PATJ: variants seen among roughly 807,000 people sequenced by gnomAD.
The protein encoded by PATJ is inaD-like protein.
Under a neutral mutation model 224.9 loss-of-function variants are expected in PATJ, and 190 were observed. The observed-to-expected ratio is 0.84, with a 90% CI of 0.75 to 0.95. PATJ has a LOEUF of 0.95. Ranked by LOEUF, PATJ falls within the 40% of genes least tolerant of loss-of-function variation. The pLI is 0.00. For synonymous variants in PATJ, 769 were observed against 820.3 expected (o/e 0.94, Z 1.07); for missense variants, 2,121 against 2,270.3 (o/e 0.93, Z 1.34).
chr1:61,742,840 C>T (rs1391065433), intron 1 of PATJ, among the ~76,000 whole-genome samples: 1 of 150,894 alleles, frequency 6.6e-6, no homozygotes, highest in Non-Finnish European at 1.5e-5. Flanking sequence ...GGTGACCCCA[C>T]GGTGGTCCCC....
chr1:61,905,319 A>G lies in PATJ; in HGVS notation c.3382-3053A>G, dbSNP rs183268993. Among the ~76,000 whole-genome samples, 525 of 152,326 alleles carry G rather than the reference A, an allele frequency of 3.4e-3. 3 individuals carry two copies. Among genetic ancestry groups the G allele is most frequent in the African/African-American group, 0.012 (508 of 41,578 alleles). ...TCTCTTTTATAAGGCCACTAATCCT[A>G]TTCTTGAGGGCAGAGCCCTCATGAC... On this transcript the variant is annotated intron_variant, in intron 24 of 43. Transcript: ENST00000642238.
intron 20 of PATJ, among the ~76,000 whole-genome samples, chr1:61,870,155 G>A (rs1355753490): frequency 6.6e-6 from 1 of 152,138 alleles, no homozygotes; most frequent in African/African-American, 2.4e-5. Context: ...GAGGCTGCAT[G>A]AATGAATTGA....
At chr1:61,848,921 T>G (rs1326841307) in intron 17 of PATJ, among the ~76,000 whole-genome samples, 1 of 152,242 alleles carries the variant, frequency 6.6e-6, no homozygotes, top group East Asian at 1.9e-4. Flanking sequence ...AGTTGACCAT[T>G]ATTAAGTTGG....
chr1:61,934,887 G>A (rs1287952791), intron 27 of PATJ, among the ~76,000 whole-genome samples: 3 of 152,074 alleles, frequency 2.0e-5, no homozygotes, highest in Non-Finnish European at 4.4e-5. Flanking sequence ...TCTTTCTGCC[G>A]AACCGCACCA....
At chr1:62,057,733 T>C (rs1654790679) in intron 31 of PATJ, among the ~76,000 whole-genome samples, 1 of 152,232 alleles carries the variant, frequency 6.6e-6, no homozygotes, top group East Asian at 1.9e-4. Flanking sequence ...CTTGTGTCTG[T>C]AAGTGTTCTT....
intron 28 of PATJ, among the ~76,000 whole-genome samples, chr1:62,001,187 A>G (rs1267621711): frequency 6.6e-6 from 1 of 150,730 alleles, no homozygotes; most frequent in Admixed American, 6.6e-5. Flanking sequence ...GAAGCTCTTT[A>G]GTTTAATTAG....
At chr1:61,989,388 A>AT (rs934333994) in intron 27 of PATJ, among the ~76,000 whole-genome samples, 12 of 152,300 alleles carry the variant, frequency 7.9e-5, no homozygotes, top group Admixed American at 6.5e-4. Context: ...TAAATGGTAG[A>AT]TTTGTGGAAT....
At chr1:62,134,074 A>G (rs971359695) in intron 41 of PATJ, among the ~76,000 whole-genome samples, 11 of 151,508 alleles carry the variant, frequency 7.3e-5, no homozygotes, top group Non-Finnish European at 1.3e-4. Context: ...ACAAGCTCCT[A>G]GGTATTGGTG....
At position 61,828,648 on chromosome 1, in the gene PATJ, C is replaced by T. The variant is rs1570751578; in HGVS notation, c.1980+1065C>T. 2.6e-5 allele frequency among the ~76,000 whole-genome samples: 4 copies of T among 152,204 alleles called. No homozygotes were observed. The East Asian group carries it at 7.7e-4, about 29-fold the overall frequency. ...CTCAAGCAATCCTCCCACCTCAACC[C>T]CCCAAAATGCTGGGTTTATAGGTGT... On this transcript the variant is annotated intron_variant, in intron 16 of 43. Transcript: ENST00000642238.
At chr1:61,774,311 A>C (rs1276237512) in intron 6 of PATJ, among the ~76,000 whole-genome samples, 1 of 151,924 alleles carries the variant, frequency 6.6e-6, no homozygotes, top group East Asian at 1.9e-4. Flanking sequence ...AGAAAGAAAA[A>C]CTAAGTAATG....
In PATJ at chr1:61,783,821, C is replaced by A. The variant is rs535605681; in HGVS notation, c.850-3933C>A. 1.2e-4 allele frequency among the ~76,000 whole-genome samples: 17 copies of A among 142,234 alleles called. No homozygotes were observed. In the South Asian group the frequency reaches 3.9e-3, roughly 33 times the overall value. The allele number at this position is 142,234 out of a possible 152,430, so 93.3% of individuals were successfully genotyped here. A position where few individuals can be genotyped will look rare whatever the true frequency, so the allele number is the denominator to read the frequency against. On this transcript the variant is annotated intron_variant, in intron 7 of 43. Coordinates refer to ENST00000642238, the MANE Select transcript of PATJ (RefSeq NM_001350145.3). ...GGAGTGCAGTGGTATGATTTTGGCTCACTGCATCCTCCACCTCCCAGGTTC... is the reference window on the plus strand; with the variant it reads ...GGAGTGCAGTGGTATGATTTTGGCTAACTGCATCCTCCACCTCCCAGGTTC...
chr1:61,866,734 C>T (rs1268996182), intron 20 of PATJ, among the ~76,000 whole-genome samples: 2 of 152,036 alleles, frequency 1.3e-5, no homozygotes, highest in Non-Finnish European at 2.9e-5. Context: ...TCTTGGACCT[C>T]GCACAAGAAA....
chr1:62,111,339 A>G (rs1490473322), intron 34 of PATJ, among the ~76,000 whole-genome samples: 3 of 152,292 alleles, frequency 2.0e-5, no homozygotes, highest in South Asian at 4.1e-4. Context: ...TCATTCACAG[A>G]CAATGAAAAT....
In PATJ at chr1:62,162,961, A is replaced by C; in HGVS notation, c.*1907A>C. The C allele has an allele frequency of 2.4e-6, 1 of 411,960 alleles. No homozygotes were observed. Among genetic ancestry groups the C allele is most frequent in the Non-Finnish European group, 4.8e-6 (1 of 207,814 alleles). 25.5% of individuals were successfully genotyped at this position (411,960 alleles called of 1,614,324 possible). A position where few individuals can be genotyped will look rare whatever the true frequency, so the allele number is the denominator to read the frequency against. ...GACTCTGTCTCGAAAAAGAAAAAAA[A>C]CCATGAAGGATGAGTACTAGAGTCA... On this transcript the variant is annotated 3_prime_UTR_variant, in exon 44 of 44. Coordinates refer to ENST00000642238, the MANE Select transcript of PATJ (RefSeq NM_001350145.3).
intron 14 of PATJ, 51 bp downstream of exon 14, chr1:61,808,581 G>C: frequency 8.6e-7 from 1 of 1,158,880 alleles, no homozygotes; most frequent in East Asian, 2.4e-5. Flanking sequence ...TTAAGAGATA[G>C]GGTCTCACTA....
intron 27 of PATJ, among the ~76,000 whole-genome samples, chr1:61,940,011 A>G (rs2149340398): frequency 6.6e-6 from 1 of 152,140 alleles, no homozygotes; most frequent in South Asian, 2.1e-4. Flanking sequence ...ATTCAGCTTC[A>G]TATCCTAAGG....
chr1:61,830,086 A>C (rs1002081426), intron 16 of PATJ, among the ~76,000 whole-genome samples: 1 of 152,182 alleles, frequency 6.6e-6, no homozygotes, highest in African/African-American at 2.4e-5. Flanking sequence ...ATCTGGACCA[A>C]TCCTAATTTA....
At chr1:61,856,363 G>A in intron 18 of PATJ, 124 bp downstream of exon 18, 1 of 723,986 alleles carries the variant, frequency 1.4e-6, no homozygotes, top group Non-Finnish European at 2.3e-6. Context: ...GTGTGACCTT[G>A]GGCAGGTTTC....
chr1:61,928,560 A>G (rs1271350993), intron 27 of PATJ, among the ~76,000 whole-genome samples: 1 of 152,144 alleles, frequency 6.6e-6, no homozygotes, highest in Non-Finnish European at 1.5e-5. Flanking sequence ...AAGGAATTCA[A>G]TATTGAAATT....
Sources: gnomAD v4.1 joint callset for allele counts (sites outside exome capture counted in the v4.1 genomes callset) on GRCh38, gnomAD v4.1.1 for gene constraint, MANE v1.5 for transcripts, NCBI Gene and HGNC (gene_info 2026-07-23, HGNC 2026-07-21) for gene names.